The following AIFM1 variants were observed in gnomAD, a reference collection of about 807,000 sequenced individuals.
The protein encoded by AIFM1 is apoptosis inducing factor mitochondria associated 1, also known as apoptosis-inducing factor 1, mitochondrial.
AIFM1 carries 3 observed loss-of-function variants against 51.7 expected under a neutral mutation model. That is an observed-to-expected ratio of 0.06 (90% confidence interval 0.03 to 0.15). The LOEUF is 0.15. Ranked by LOEUF, AIFM1 falls within the 10% of genes least tolerant of loss-of-function variation. AIFM1 has a pLI of 1.00. For synonymous variants in AIFM1, 178 were observed against 179.4 expected (o/e 0.99, Z 0.06); for missense variants, 330 against 476.8 (o/e 0.69, Z 2.87).
At chrX:130,159,477 G>A (rs1308107767) in intron 1 of AIFM1, among the ~76,000 whole-genome samples, 1 of 111,870 alleles carries the variant, frequency 8.9e-6, no homozygotes, top group Admixed American at 9.5e-5. Context: ...TGAACCATCA[G>A]AAGTAGAAAG....
intron 2 of AIFM1, 120 bp from the exon 3 acceptor site, chrX:130,149,688 A>G: frequency 1.8e-6 from 1 of 546,914 alleles, no homozygotes; most frequent in Non-Finnish European, 3.1e-6. Flanking sequence ...CCTCTATGTC[A>G]AAACCACTAA....
Position 130,143,138 on chromosome X carries a change from C to T in AIFM1, c.696+2341G>A, listed in dbSNP as rs1603226044. On this transcript the variant is annotated intron_variant, in intron 6 of 15. Transcript: ENST00000287295. ...GGGGTTCCCCAGGGCTCTATCCTTG[C>T]CTTCCTCCTCTTCTCACCAGATCAG... Among the ~76,000 whole-genome samples the T allele has an allele frequency of 5.4e-5, 6 of 111,319 alleles. No homozygotes were observed. In the South Asian group the frequency reaches 2.3e-3, roughly 42 times the overall value.
intron 1 of AIFM1, 36 bp downstream of exon 1, chrX:130,165,515 C>T: frequency 8.9e-7 from 1 of 1,127,899 alleles, no homozygotes; most frequent in Non-Finnish European, 1.2e-6. Flanking sequence ...GCGCCAGGCC[C>T]TCGGACTTGG....
At chrX:130,134,986 A>T (rs188385559) in intron 12 of AIFM1, among the ~76,000 whole-genome samples, 3 of 111,748 alleles carry the variant, frequency 2.7e-5, no homozygotes, top group Non-Finnish European at 5.6e-5. Flanking sequence ...GCAAGGAAAC[A>T]CAGGGAAGGA....
At chrX:130,156,351 C>T in intron 2 of AIFM1, 110 bp downstream of exon 2, 2 of 1,067,486 alleles carry the variant, frequency 1.9e-6, no homozygotes, top group Non-Finnish European at 2.6e-6. Flanking sequence ...GAAAATTTTT[C>T]CAAAAGGAGA....
rs921876086 is a variant in AIFM1 at position 130,138,396 on chromosome X, C to T, written c.967+197G>A. Among the ~76,000 whole-genome samples, 4 of 111,275 alleles carry T rather than the reference C, an allele frequency of 3.6e-5. No homozygotes were observed. In the South Asian group the frequency reaches 1.1e-3, roughly 32 times the overall value. On this transcript the variant is annotated intron_variant, in intron 9 of 15. Transcript: ENST00000287295. ...AGGAGAATGGCCTGAACCCGGGAAG[C>T]GGAGCTTGCAGTGAGCCGAGATCGC... is the stretch of plus-strand genomic sequence containing the variant.
chrX:130,156,392 A>C lies in AIFM1; in HGVS notation c.249+69T>G, dbSNP rs973509599. The C allele has an allele frequency of 4.2e-6, 5 of 1,183,787 alleles. No individual in the cohort carries two copies. The African/African-American group carries it at 8.8e-5, about 21-fold the overall frequency. On this transcript the variant is annotated intron_variant, in intron 2 of 15. Coordinates refer to ENST00000287295, the MANE Select transcript of AIFM1 (RefSeq NM_004208.4). ...GAATTAGTTGCAAAAGTTTTAAAGCAGAATACTATCGAGTCTATTAATGGG... is the reference window on the plus strand; with the variant it reads ...GAATTAGTTGCAAAAGTTTTAAAGCCGAATACTATCGAGTCTATTAATGGG...
Position 130,143,696 on chromosome X carries a change from CA to C in AIFM1, c.696+1782del, listed in dbSNP as rs11390300. ...TAAAACCCCATCTCTACTAAAAAGA[CA>C]AAAAAAAAAAATAGCCAGGCATGGT... On this transcript the variant is annotated intron_variant, in intron 6 of 15. Coordinates refer to ENST00000287295, the MANE Select transcript of AIFM1 (RefSeq NM_004208.4). 9.1e-4 allele frequency among the ~76,000 whole-genome samples: 91 copies of C among 99,687 alleles called. 1 individual carries two copies. Among genetic ancestry groups the C allele is most frequent in the Admixed American group, 2.3e-3 (21 of 9,173 alleles). The allele number at this position is 99,687 out of a possible 115,157, so 86.6% of individuals were successfully genotyped here.
intron 6 of AIFM1, among the ~76,000 whole-genome samples, chrX:130,142,892 T>C (rs752518682): frequency 8.9e-6 from 1 of 111,971 alleles, no homozygotes; most frequent in Admixed American, 9.5e-5. Flanking sequence ...GTGATCCACC[T>C]GCCTCAGCCT....
At chrX:130,153,344 C>T (rs1231635155) in intron 2 of AIFM1, among the ~76,000 whole-genome samples, 5 of 75,239 alleles carry the variant, frequency 6.6e-5, no homozygotes, top group Non-Finnish European at 9.7e-5. Context: ...CACAGAGAGA[C>T]TCCGTTTCAA....
At chrX:130,142,807 G>A (rs756820689) in intron 6 of AIFM1, among the ~76,000 whole-genome samples, 2 of 110,720 alleles carry the variant, frequency 1.8e-5, no homozygotes, top group Non-Finnish European at 3.8e-5. Flanking sequence ...CACCACACCT[G>A]GCTAATTTTT....
At chrX:130,146,266 C>T (rs1476851291) in intron 5 of AIFM1, among the ~76,000 whole-genome samples, 2 of 110,106 alleles carry the variant, frequency 1.8e-5, no homozygotes, top group African/African-American at 3.3e-5. Flanking sequence ...AGCAACATCT[C>T]GTCTCTAGAA....
chrX:130,157,961 A>G (rs745450634), intron 1 of AIFM1, among the ~76,000 whole-genome samples: 52 of 103,890 alleles, frequency 5.0e-4, no homozygotes, highest in African/African-American at 1.7e-3. Flanking sequence ...CTCAAAAAAA[A>G]AAAAAAAGAA....
In AIFM1 at chrX:130,140,590, T is replaced by C. The variant is rs138123187; in HGVS notation, c.724A>G (p.Met242Val). 2.5e-5 allele frequency: 30 copies of C among 1,208,642 alleles called. No homozygotes were observed. The African/African-American group carries it at 3.3e-4, about 13-fold the overall frequency. The change falls in exon 7 of 16, where the codon ATG becomes GTG. Residue 242 changes from methionine to valine, a missense_variant. By Grantham distance (21) the Met-to-Val change is conservative. Transcript: ENST00000287295. The stretch of plus-strand genomic sequence containing the variant: ...TGAGAGCCATCATTAAGTTTCACCA[T>C]GTTGTCTCTCACATCCAGCTGTACT... The part of the protein sequence containing the change: ...KVVQLDVRDN[M>V]VKLNDGSQIT...
rs61703078 is a variant in AIFM1 at position 130,142,251 on chromosome X, TG to T, written c.697-1635del. ...CATGTGCAATCTAGTCAGGTTGGGT[TG>T]GGTAAAGCTTTCTAGAGGCAATGAC... is the stretch of plus-strand genomic sequence containing the variant. On this transcript the variant is annotated intron_variant, in intron 6 of 15. Coordinates refer to ENST00000287295, the MANE Select transcript of AIFM1 (RefSeq NM_004208.4). Among the ~76,000 whole-genome samples the T allele has an allele frequency of 4.7e-3, 525 of 111,862 alleles. 1 individual carries two copies. Among genetic ancestry groups the T allele is most frequent in the African/African-American group, 0.016 (490 of 30,768 alleles).
chrX:130,130,413 CCCTT>C (rs2030018269), intron 14 of AIFM1, among the ~76,000 whole-genome samples: 1 of 111,805 alleles, frequency 8.9e-6, no homozygotes, highest in Non-Finnish European at 1.9e-5. Flanking sequence ...AAACTTCCCT[CCCTT>C]ATTATCTCAT....
At chrX:130,135,970 T>C in intron 12 of AIFM1, 75 bp downstream of exon 12, 1 of 1,179,965 alleles carries the variant, frequency 8.5e-7, no homozygotes, top group Non-Finnish European at 1.2e-6. Flanking sequence ...TGATGAGCTT[T>C]AGCACACCAC....
Position 130,165,725 on chromosome X carries a change from G to A in AIFM1, c.-69C>T. 1 of 908,962 alleles carries A rather than the reference G, an allele frequency of 1.1e-6. No homozygotes were observed. Among genetic ancestry groups the A allele is most frequent in the South Asian group, 2.1e-5 (1 of 47,513 alleles). The allele number at this position is 908,962 out of a possible 1,213,427, so 74.9% of individuals were successfully genotyped here. A position where few individuals can be genotyped will look rare whatever the true frequency, so the allele number is the denominator to read the frequency against. ...ACGCACGACCGACGGGTCAAACACC[G>A]TGAGCCCCGGCCAGCTCCCCCAGTC... On this transcript the variant is annotated 5_prime_UTR_variant, in exon 1 of 16. It adds an upstream start codon to the 5' untranslated region. Transcript: ENST00000287295.
chrX:130,141,152 A>G (rs2030565048), intron 6 of AIFM1, among the ~76,000 whole-genome samples: 1 of 111,855 alleles, frequency 8.9e-6, no homozygotes. Context: ...CAAAACCACA[A>G]CAACAAAAAC....
Sources: gnomAD v4.1 joint callset for allele counts (sites outside exome capture counted in the v4.1 genomes callset) on GRCh38, gnomAD v4.1.1 for gene constraint, MANE v1.5 for transcripts, NCBI Gene and HGNC (gene_info 2026-07-23, HGNC 2026-07-21) for gene names.